RAPGEF5: variants seen among roughly 807,000 people sequenced by gnomAD.
RAPGEF5 encodes the protein Rap guanine nucleotide exchange factor 5, also known as M-Ras-regulated GEF.
In RAPGEF5, 65 loss-of-function variants were observed where a neutral mutation model predicts 125.2. The ratio of observed to expected loss-of-function variants is 0.52; its 90% confidence interval spans 0.43 to 0.64. The LOEUF (loss-of-function observed/expected upper bound fraction) is 0.64, where lower values mean the gene tolerates loss of function less well. Ranked by LOEUF, RAPGEF5 falls within the 30% of genes least tolerant of loss-of-function variation. RAPGEF5 has a pLI of 0.00. For missense variants in RAPGEF5, 958 were observed against 1,048.1 expected (o/e 0.91, Z 1.19); for synonymous variants, 391 against 385.9 (o/e 1.01, Z -0.16).
chr7:22,214,963 C>A (rs1329344806), intron 9 of RAPGEF5, among the ~76,000 whole-genome samples: 2 of 152,180 alleles, frequency 1.3e-5, no homozygotes, highest in Admixed American at 1.3e-4. Context: ...TAATTTATCT[C>A]ATGAAGGCCC....
chr7:22,156,425 T>C (rs1411754366), intron 16 of RAPGEF5, among the ~76,000 whole-genome samples: 8 of 152,152 alleles, frequency 5.3e-5, no homozygotes, highest in Non-Finnish European at 1.2e-4. Flanking sequence ...TCAGCCCAAA[T>C]CTGCACATTG....
intron 20 of RAPGEF5, among the ~76,000 whole-genome samples, chr7:22,141,497 A>T (rs1226550126): frequency 6.6e-6 from 1 of 152,210 alleles, no homozygotes; most frequent in African/African-American, 2.4e-5. Flanking sequence ...GGCCCTGCCT[A>T]CACTGGCATG....
chr7:22,253,795 A>T (rs915416876), intron 7 of RAPGEF5, among the ~76,000 whole-genome samples: 12 of 152,188 alleles, frequency 7.9e-5, no homozygotes, highest in African/African-American at 2.4e-4. Flanking sequence ...TATTACTAAC[A>T]TCCATTCTAA....
chr7:22,281,473 A>C (rs34349554), intron 6 of RAPGEF5, among the ~76,000 whole-genome samples: 7,750 of 152,094 alleles, frequency 0.051, 288 homozygotes, highest in Non-Finnish European at 0.067. Flanking sequence ...CAGCCACCCA[A>C]AGTGCTGGGA....
intron 7 of RAPGEF5, among the ~76,000 whole-genome samples, chr7:22,253,365 T>G (rs1786671920): frequency 6.6e-6 from 1 of 152,180 alleles, no homozygotes; most frequent in African/African-American, 2.4e-5. Flanking sequence ...TGGGCGCTGC[T>G]GGACACAGTA....
intron 1 of RAPGEF5, among the ~76,000 whole-genome samples, chr7:22,346,907 T>A (rs1451232301): frequency 2.6e-5 from 4 of 152,164 alleles, no homozygotes. Flanking sequence ...ACAAAACAGA[T>A]TAACTGAGTC....
chr7:22,356,990 G>T lies in RAPGEF5; in HGVS notation c.71C>A (p.Ala24Glu), dbSNP rs919829312. The T allele has an allele frequency of 9.8e-7, 1 of 1,024,320 alleles. No homozygotes were observed. Among genetic ancestry groups the T allele is most frequent in the East Asian group, 9.2e-5 (1 of 10,872 alleles). The allele number at this position is 1,024,320 out of a possible 1,614,324, so 63.5% of individuals were successfully genotyped here. A position where few individuals can be genotyped will look rare whatever the true frequency, so the allele number is the denominator to read the frequency against. The change falls in exon 1 of 26, where the codon GCG becomes GAG. Residue 24 changes from alanine to glutamate, a missense_variant. Physicochemically the swap from Ala to Glu is moderately radical, Grantham distance 107 (BLOSUM62 -1). Transcript: ENST00000665637. ...CESPALAAAAAVVAADGPLRR... is the reference protein window; with the variant it reads ...CESPALAAAAEVVAADGPLRR... ...CAGGGGGCCGTCTGCCGCCACCACC[G>T]CCGCCGCGGCGGCCAGGGCCGGGCT... is the stretch of plus-strand genomic sequence containing the variant.
chr7:22,234,239 A>G (rs1333127011), intron 7 of RAPGEF5, among the ~76,000 whole-genome samples: 1 of 152,190 alleles, frequency 6.6e-6, no homozygotes, highest in African/African-American at 2.4e-5. Flanking sequence ...TAAAAACACA[A>G]TTTCTCTCTT....
In RAPGEF5 at chr7:22,356,294, C is replaced by T. The variant is rs535313462; in HGVS notation, c.231+536G>A. 4.4e-4 allele frequency: 426 copies of T among 978,398 alleles called. 2 individuals are homozygous for T. In the Middle Eastern group the frequency reaches 9.4e-3, roughly 22 times the overall value. 60.6% of individuals were successfully genotyped at this position (978,398 alleles called of 1,614,324 possible). On this transcript the variant is annotated intron_variant, in intron 1 of 25. Coordinates refer to ENST00000665637, the MANE Select transcript of RAPGEF5 (RefSeq NM_012294.5). ...CAGGAGTATTAAGTGCTGGAGACAC[C>T]GGAACCCAGGAACTGGAAGCTCACC...
intron 5 of RAPGEF5, among the ~76,000 whole-genome samples, chr7:22,297,106 C>G (rs1322521837): frequency 6.6e-6 from 1 of 152,070 alleles, no homozygotes; most frequent in Non-Finnish European, 1.5e-5. Flanking sequence ...TAAAAGGGAA[C>G]AGAGACATTG....
At chr7:22,167,049 C>A in intron 12 of RAPGEF5, 21 bp downstream of exon 12, 4 of 1,583,852 alleles carry the variant, frequency 2.5e-6, no homozygotes, top group Non-Finnish European at 2.6e-6. Flanking sequence ...GACACAGCAG[C>A]CTGAAGATAA....
intron 11 of RAPGEF5, among the ~76,000 whole-genome samples, chr7:22,177,935 T>G (rs953052165): frequency 6.6e-6 from 1 of 152,156 alleles, no homozygotes; most frequent in Admixed American, 6.5e-5. Flanking sequence ...AAGAAGGTGG[T>G]CTTTCATTGG....
intron 5 of RAPGEF5, among the ~76,000 whole-genome samples, chr7:22,303,176 C>T (rs972621835): frequency 1.3e-5 from 2 of 152,192 alleles, no homozygotes; most frequent in South Asian, 2.1e-4. Flanking sequence ...TTCATCATTC[C>T]TCACCCATTC....
At chr7:22,255,229 G>A (rs763034856) in intron 7 of RAPGEF5, among the ~76,000 whole-genome samples, 16 of 151,984 alleles carry the variant, frequency 1.1e-4, no homozygotes, top group South Asian at 2.1e-4. Flanking sequence ...ACAATTTAAC[G>A]TAAAACATTG....
chr7:22,356,313 G>A (rs1784418397), intron 1 of RAPGEF5: 2 of 956,474 alleles, frequency 2.1e-6, no homozygotes, highest in Admixed American at 1.2e-4. Context: ...GGAACTGGAA[G>A]CTCACCCAAG....
At chr7:22,270,958 G>C (rs1782402608) in intron 6 of RAPGEF5, among the ~76,000 whole-genome samples, 1 of 152,156 alleles carries the variant, frequency 6.6e-6, no homozygotes, top group African/African-American at 2.4e-5. Flanking sequence ...GTTTTTCAGA[G>C]TTTTTCTAAT....
chr7:22,287,559 C>T (rs779750424), intron 6 of RAPGEF5, among the ~76,000 whole-genome samples: 4 of 152,172 alleles, frequency 2.6e-5, no homozygotes, highest in Non-Finnish European at 5.9e-5. Context: ...AAACCACTGT[C>T]CCATTCCAAT....
chr7:22,125,016 T>C (rs763828961), intron 25 of RAPGEF5, among the ~76,000 whole-genome samples: 7 of 152,158 alleles, frequency 4.6e-5, no homozygotes, highest in Non-Finnish European at 8.8e-5. Context: ...CATTTAAACA[T>C]AGTATAAATT....
At chr7:22,306,538 G>C (rs929334817) in intron 5 of RAPGEF5, among the ~76,000 whole-genome samples, 6 of 152,002 alleles carry the variant, frequency 3.9e-5, no homozygotes, top group African/African-American at 1.4e-4. Flanking sequence ...TTTGTTCATT[G>C]TATCCTTGCT....
Sources: gnomAD v4.1 joint callset for allele counts (sites outside exome capture counted in the v4.1 genomes callset) on GRCh38, gnomAD v4.1.1 for gene constraint, MANE v1.5 for transcripts, NCBI Gene and HGNC (gene_info 2026-07-23, HGNC 2026-07-21) for gene names.